The following ADAMTS20 variants were observed in gnomAD, a reference collection of about 807,000 sequenced individuals.
The protein encoded by ADAMTS20 is ADAM metallopeptidase with thrombospondin type 1 motif 20, also known as A disintegrin and metalloproteinase with thrombospondin motifs 20.
A neutral mutation model predicts 260.1 loss-of-function variants in ADAMTS20; 225 were observed. The observed-to-expected ratio is 0.87, with a 90% CI of 0.78 to 0.97. ADAMTS20 has a LOEUF of 0.97. Among genes scored for constraint, ADAMTS20 ranks in the 50% least tolerant of loss-of-function variants. The pLI is 0.00. For missense variants in ADAMTS20, 2,400 were observed against 2,337.7 expected, an observed-to-expected ratio of 1.03 and a Z score of -0.55; for synonymous variants, 802 against 769.5, an observed-to-expected ratio of 1.04 and a Z score of -0.70.
intron 16 of ADAMTS20, among the ~76,000 whole-genome samples, chr12:43,440,487 A>G (rs1941642707): frequency 6.6e-6 from 1 of 152,224 alleles, no homozygotes; most frequent in Non-Finnish European, 1.5e-5. Flanking sequence ...TTTGAAATTA[A>G]AGAATGCAAA....
At chr12:43,440,139 CTTT>C (rs35606718) in intron 16 of ADAMTS20, 70 bp from the exon 17 acceptor site, 26,423 of 545,080 alleles carry the variant, frequency 0.048, no homozygotes, top group Middle Eastern at 0.076. Context: ...ACTTGTTTAA[CTTT>C]TTTTTTTTTT....
chr12:43,492,480 G>T, intron 6 of ADAMTS20, 25 bp downstream of exon 6: 4 of 1,611,588 alleles, frequency 2.5e-6, no homozygotes, highest in Non-Finnish European at 3.4e-6. Context: ...GGATTGTATG[G>T]GAAGGGTTAT....
intron 9 of ADAMTS20, among the ~76,000 whole-genome samples, chr12:43,465,684 G>A (rs1942140885): frequency 6.6e-6 from 1 of 151,974 alleles, no homozygotes. Flanking sequence ...CTTCTAAAAA[G>A]AAAAGTGCAC....
chr12:43,528,374 A>C (rs915382296), intron 3 of ADAMTS20, among the ~76,000 whole-genome samples: 2 of 136,892 alleles, frequency 1.5e-5, no homozygotes, highest in African/African-American at 2.6e-5. Flanking sequence ...AAAAAAAAAA[A>C]CACAAATCCG....
chr12:43,391,691 A>C (rs544107339), intron 29 of ADAMTS20, among the ~76,000 whole-genome samples: 3 of 152,296 alleles, frequency 2.0e-5, no homozygotes, highest in African/African-American at 7.2e-5. Flanking sequence ...GGGAAAAATC[A>C]GGTTATTCAC....
intron 37 of ADAMTS20, among the ~76,000 whole-genome samples, chr12:43,367,614 T>G (rs1183982478): frequency 6.6e-6 from 1 of 152,090 alleles, no homozygotes; most frequent in Admixed American, 6.6e-5. Context: ...CTGAATGCCT[T>G]TTGCCTAATA....
At chr12:43,475,061 C>T (rs936131106) in intron 7 of ADAMTS20, among the ~76,000 whole-genome samples, 14 of 140,032 alleles carry the variant, frequency 1.0e-4, no homozygotes, top group Non-Finnish European at 1.7e-4. Flanking sequence ...TCCCTGTGTG[C>T]AGACAACATG....
At chr12:43,424,767 G>A (rs541109593) in intron 28 of ADAMTS20, among the ~76,000 whole-genome samples, 87 of 151,642 alleles carry the variant, frequency 5.7e-4, no homozygotes, top group African/African-American at 2.0e-3. Context: ...AACATAAAAC[G>A]GAGAAAAATA....
chr12:43,506,906 A>G (rs1005159848), intron 3 of ADAMTS20, among the ~76,000 whole-genome samples: 10 of 152,174 alleles, frequency 6.6e-5, no homozygotes, highest in Non-Finnish European at 1.5e-4. Context: ...AGAAAGGACA[A>G]GAACTAAGTT....
chr12:43,465,879 T>C (rs1381305676), intron 9 of ADAMTS20, among the ~76,000 whole-genome samples: 1 of 152,042 alleles, frequency 6.6e-6, no homozygotes, highest in Non-Finnish European at 1.5e-5. Context: ...CATGATTTTA[T>C]TTTTCCCCAT....
At chr12:43,423,056 G>A (rs999977050) in intron 28 of ADAMTS20, 2 of 151,982 alleles carry the variant, frequency 1.3e-5, no homozygotes, top group Non-Finnish European at 2.9e-5. Context: ...TGAATTATTT[G>A]TAATTTTAAT....
At chr12:43,353,624 T>C (rs1287025079), downstream of ADAMTS20, among the ~76,000 whole-genome samples, 1 of 152,034 alleles carries the variant, frequency 6.6e-6, no homozygotes, top group Admixed American at 6.6e-5. Flanking sequence ...TATTTTTTAA[T>C]TGAAGCCCCA....
chr12:43,452,787 A>C, intron 12 of ADAMTS20, 92 bp from the exon 13 acceptor site: 1 of 1,214,478 alleles, frequency 8.2e-7, no homozygotes, highest in Non-Finnish European at 1.1e-6. Context: ...AGGATCTAGA[A>C]AACCAGTGAA....
chr12:43,467,764 G>C (rs1004845227), intron 8 of ADAMTS20, among the ~76,000 whole-genome samples: 2 of 152,182 alleles, frequency 1.3e-5, no homozygotes, highest in East Asian at 3.9e-4. Flanking sequence ...TGCAAAAAGG[G>C]AACTGAAGAG....
intron 31 of ADAMTS20, among the ~76,000 whole-genome samples, chr12:43,379,348 G>A (rs1940298920): frequency 6.6e-6 from 1 of 152,144 alleles, no homozygotes; most frequent in African/African-American, 2.4e-5. Flanking sequence ...GTCCATCAGA[G>A]CTTTGAAAAG....
intron 28 of ADAMTS20, chr12:43,423,927 A>G: frequency 1.4e-6 from 1 of 712,480 alleles, no homozygotes; most frequent in Non-Finnish European, 2.6e-6. Context: ...AGATCCTCCT[A>G]TAAAGTTAAA....
intron 3 of ADAMTS20, among the ~76,000 whole-genome samples, chr12:43,526,122 G>T (rs1606009): frequency 5.9e-5 from 9 of 152,160 alleles, no homozygotes; most frequent in African/African-American, 2.2e-4. Flanking sequence ...TAGACCATAT[G>T]GTAGGCCACA....
At position 43,428,250 on chromosome 12, in the gene ADAMTS20, T is replaced by G; in HGVS notation, c.3936A>C (p.Pro1312=). ...AATAAAGATGGCTTACTGATCCCCA[T>G]GGTCCGGTTCTCCACTGGTTTCCTC... ...SVRGNQWRTG[P]WGSCSSSCSG... Residue 1312 remains proline (P), a synonymous_variant, in exon 26 of 39, where the codon CCA becomes CCC. Transcript: ENST00000389420. 1 of 1,613,776 alleles carries G rather than the reference T, an allele frequency of 6.2e-7. No individual in the cohort carries two copies.
intron 3 of ADAMTS20, among the ~76,000 whole-genome samples, chr12:43,526,611 T>C (rs1414071141): frequency 6.6e-6 from 1 of 152,114 alleles, no homozygotes; most frequent in Non-Finnish European, 1.5e-5. Context: ...GAAATCAAGA[T>C]GGAAATTCAT....
Sources: allele counts gnomAD v4.1 joint callset (sites outside exome capture counted in the v4.1 genomes callset), GRCh38; gene constraint gnomAD v4.1.1; transcripts MANE v1.5; gene names NCBI Gene and HGNC (gene_info 2026-07-23, HGNC 2026-07-21).